USHBP1: variants seen among roughly 807,000 people sequenced by gnomAD.
The protein encoded by USHBP1 is harmonin-binding protein USHBP1.
Under a neutral mutation model 76.2 loss-of-function variants are expected in USHBP1, and 67 were observed. The observed-to-expected ratio is 0.88, with a 90% CI of 0.72 to 1.08. The LOEUF (loss-of-function observed/expected upper bound fraction) is 1.08, where lower values mean the gene tolerates loss of function less well. Among genes scored for constraint, USHBP1 ranks in the 50% least tolerant of loss-of-function variants. The pLI, the probability that USHBP1 is intolerant of heterozygous loss-of-function variation, is 0.00. For synonymous variants in USHBP1, 322 were observed against 362.2 expected, an observed-to-expected ratio of 0.89 and a Z score of 1.26; for missense variants, 931 against 915.0, an observed-to-expected ratio of 1.02 and a Z score of -0.23.
At chr19:17,256,075 TC>T (rs970528270) in intron 9 of USHBP1, among the ~76,000 whole-genome samples, 9 of 152,070 alleles carry the variant, frequency 5.9e-5, no homozygotes, top group African/African-American at 2.2e-4. Context: ...GGAAATATCT[TC>T]CTCCCATAAA....
chr19:17,259,191 G>A, intron 7 of USHBP1, 98 bp downstream of exon 7: 1 of 1,477,804 alleles, frequency 6.8e-7, no homozygotes, highest in Non-Finnish European at 9.0e-7. Flanking sequence ...TTCTGAAGTG[G>A]GGAAGGTGCT....
intron 10 of USHBP1, among the ~76,000 whole-genome samples, chr19:17,253,610 A>T (rs2073580809): frequency 6.8e-6 from 1 of 147,378 alleles, no homozygotes; most frequent in Admixed American, 6.7e-5. Context: ...TTTAAAAATT[A>T]GGCTGGACGT....
At chr19:17,257,166 G>A (rs138848070) in intron 8 of USHBP1, among the ~76,000 whole-genome samples, 1,873 of 149,858 alleles carry the variant, frequency 0.012, 37 homozygotes, top group African/African-American at 0.043. Context: ...GACTACAGGC[G>A]CTTGCCACCA....
chr19:17,260,908 C>T (rs2073678829), intron 4 of USHBP1, among the ~76,000 whole-genome samples: 1 of 152,190 alleles, frequency 6.6e-6, no homozygotes, highest in Admixed American at 6.5e-5. Context: ...CACGCTCACA[C>T]GTCAGTTCCA....
At chr19:17,252,092 G>A in intron 10 of USHBP1, 75 bp from the exon 11 acceptor site, 1 of 1,393,822 alleles carries the variant, frequency 7.2e-7, no homozygotes, top group Non-Finnish European at 9.8e-7. Flanking sequence ...GGACATTGGA[G>A]CTGCCCAGAC....
intron 10 of USHBP1, among the ~76,000 whole-genome samples, chr19:17,254,516 C>T (rs1366054536): frequency 4.3e-5 from 6 of 139,386 alleles, no homozygotes; most frequent in South Asian, 2.3e-4. Flanking sequence ...ATTAGCCGGG[C>T]GTGGTGGCGC....
At chr19:17,260,982 G>A (rs1438437515) in intron 4 of USHBP1, among the ~76,000 whole-genome samples, 1 of 152,142 alleles carries the variant, frequency 6.6e-6, no homozygotes, top group Non-Finnish European at 1.5e-5. Context: ...CATCGTGCAT[G>A]TCTGGACCAA....
In USHBP1 at chr19:17,262,776, G is replaced by A; in HGVS notation, c.418C>T (p.Pro140Ser). The part of the protein sequence containing the change: ...EAAAAAWRHQ[P>S]PSHSGPMEFE... The stretch of plus-strand genomic sequence containing the variant: ...TCCATCGGCCCAGAATGGCTGGGGG[G>A]CTGGTGGCGCCAGGCTGCAGCCGCT... Residue 140 changes from proline (P) to serine (S), a missense_variant, in exon 4 of 13, where the codon CCC (proline) becomes TCC (serine). Transcript: ENST00000252597. The A allele has an allele frequency of 1.2e-6, 2 of 1,614,182 alleles. No individual in the cohort carries two copies. Among genetic ancestry groups the A allele is most frequent in the Non-Finnish European group, 1.7e-6 (2 of 1,180,028 alleles).
At chr19:17,252,207 T>A (rs1276282663) in intron 10 of USHBP1, among the ~76,000 whole-genome samples, 190 bp from the exon 11 acceptor site, 1 of 152,014 alleles carries the variant, frequency 6.6e-6, no homozygotes, top group Non-Finnish European at 1.5e-5. Context: ...TAAAAAAAAT[T>A]TTTTTTGAGA....
In USHBP1 at chr19:17,259,342, C is replaced by G; in HGVS notation, c.993G>C (p.Gln331His). ...TGGCCTCAGCCTCCCGCTGGCCTAG[C>G]TGCATGCTGAGGCCTTCACAGCGGC... Reference protein sequence around the residue: ...YKGRCEGLSMQLGQREAEATA... With the variant: ...YKGRCEGLSMHLGQREAEATA... The change falls in exon 7 of 13, where the codon CAG (glutamine) becomes CAC (histidine). Residue 331 changes from glutamine (Q) to histidine (H), a missense_variant. Physicochemically the swap from Gln to His is conservative, Grantham distance 24. Transcript: ENST00000252597. 3.7e-6 allele frequency: 6 copies of G among 1,614,168 alleles called. No homozygotes were observed. The highest frequency in any genetic ancestry group is 4.2e-6 in the Non-Finnish European group (5 of 1,180,034).
Position 17,262,958 on chromosome 19 carries a change from C to T in USHBP1, c.236G>A (p.Arg79Lys). ...CACTTCGGGGGCTGAGGCCAGTTCC[C>T]TGCCAGAGCCCCCATCCATCTTCTT... ...TDKKMDGGSG[R>K]ELASAPEVPH... The change falls in exon 4 of 13, where the codon AGG becomes AAG. Residue 79 changes from arginine (R) to lysine (K), a missense_variant. Arg to Lys is a conservative substitution (Grantham distance 26). Coordinates refer to ENST00000252597, the MANE Select transcript of USHBP1 (RefSeq NM_031941.4). 6.6e-7 allele frequency: 1 copy of T among 1,525,128 alleles called. No homozygotes were observed. Among genetic ancestry groups the T allele is most frequent in the South Asian group, 1.3e-5 (1 of 76,560 alleles). The allele number at this position is 1,525,128 out of a possible 1,614,324, so 94.5% of individuals were successfully genotyped here. A position where few individuals can be genotyped will look rare whatever the true frequency, so the allele number is the denominator to read the frequency against.
In USHBP1 at chr19:17,255,401, T is replaced by C. The variant is rs2073605654; in HGVS notation, c.1676A>G (p.Glu559Gly). ...HSSGGGSSGD[E>G]EEWYQGLPAV... ...GCAGCTCACCTGATACCACTCTTCCTCGTCCCCGCTGCTGCCACCTCCGCT... is the reference window on the plus strand; with the variant it reads ...GCAGCTCACCTGATACCACTCTTCCCCGTCCCCGCTGCTGCCACCTCCGCT... The change falls in exon 10 of 13, where the codon GAG (glutamate) becomes GGG (glycine). Residue 559 changes from glutamate (E) to glycine (G), a missense_variant. Physicochemically the swap from Glu to Gly is moderately conservative, Grantham distance 98. Transcript: ENST00000252597. 21 of 1,613,924 alleles carry C rather than the reference T, an allele frequency of 1.3e-5. No individual in the cohort carries two copies. In the East Asian group the frequency reaches 4.0e-4, roughly 31 times the overall value.
At chr19:17,260,619 T>G (rs1056640588) in intron 4 of USHBP1, among the ~76,000 whole-genome samples, 1 of 152,126 alleles carries the variant, frequency 6.6e-6, no homozygotes, top group East Asian at 1.9e-4. Context: ...CATGAGACAA[T>G]GCACCCAGCA....
chr19:17,260,329 C>A (rs2073672447), intron 4 of USHBP1, among the ~76,000 whole-genome samples: 1 of 152,014 alleles, frequency 6.6e-6, no homozygotes, highest in South Asian at 2.1e-4. Flanking sequence ...AGCCACATGG[C>A]TTTTTTATTT....
In USHBP1 at chr19:17,249,382, G is replaced by C. The variant is rs558360369; in HGVS notation, c.*843C>G. ...AATTTTTGTATTTTTAGTAGAGACG[G>C]GGGTTTCACCATGTTGGCCAAGCTG... On this transcript the variant is annotated 3_prime_UTR_variant, in exon 13 of 13. Coordinates refer to ENST00000252597, the MANE Select transcript of USHBP1 (RefSeq NM_031941.4). 1 of 152,178 alleles carries C rather than the reference G, an allele frequency of 6.6e-6. No homozygotes were observed. The highest frequency in any genetic ancestry group is 2.1e-4 in the South Asian group (1 of 4,820). The allele number at this position is 152,178 out of a possible 1,614,324, so 9.4% of individuals were successfully genotyped here. A position where few individuals can be genotyped will look rare whatever the true frequency, so the allele number is the denominator to read the frequency against.
intron 2 of USHBP1, 27 bp downstream of exon 2, chr19:17,264,219 G>T: frequency 6.2e-7 from 1 of 1,613,724 alleles, no homozygotes; most frequent in Non-Finnish European, 8.5e-7. Flanking sequence ...CAGGATCTGG[G>T]TGTGGAGGGG....
chr19:17,256,209 T>C (rs779797478), intron 9 of USHBP1, among the ~76,000 whole-genome samples: 13 of 152,122 alleles, frequency 8.5e-5, no homozygotes, highest in Non-Finnish European at 1.8e-4. Flanking sequence ...CATGCCAAGC[T>C]ACAAACCCAA....
At position 17,263,817 on chromosome 19, in the gene USHBP1, G is replaced by T. The variant is rs1442607744; in HGVS notation, c.203+185C>A. 10 of 736,720 alleles carry T rather than the reference G, an allele frequency of 1.4e-5. No individual in the cohort carries two copies. In the African/African-American group the frequency reaches 1.8e-4, roughly 13 times the overall value. 45.6% of individuals were successfully genotyped at this position (736,720 alleles called of 1,614,324 possible). A position where few individuals can be genotyped will look rare whatever the true frequency, so the allele number is the denominator to read the frequency against. ...GGAGGCAGGGGTTGCTGTGAGCCGA[G>T]ATTGTGCCACTGCACTGCACTACAG... On this transcript the variant is annotated intron_variant, in intron 3 of 12. Coordinates refer to ENST00000252597, the MANE Select transcript of USHBP1 (RefSeq NM_031941.4).
intron 4 of USHBP1, among the ~76,000 whole-genome samples, chr19:17,260,924 C>A (rs992425864): frequency 7.9e-5 from 12 of 152,176 alleles, no homozygotes; most frequent in African/African-American, 2.9e-4. Flanking sequence ...TTCCATCTGC[C>A]ACATCACCCA....
Sources: gnomAD v4.1 joint callset for allele counts (sites outside exome capture counted in the v4.1 genomes callset) on GRCh38, gnomAD v4.1.1 for gene constraint, MANE v1.5 for transcripts, NCBI Gene and HGNC (gene_info 2026-07-23, HGNC 2026-07-21) for gene names.